Variants in KAZN observed in about 807,000 individuals in gnomAD.
KAZN encodes the protein kazrin.
Under a neutral mutation model 87.4 loss-of-function variants are expected in KAZN, and 40 were observed. The ratio of observed to expected loss-of-function variants is 0.46; its 90% CI spans 0.36 to 0.60. The LOEUF (loss-of-function observed/expected upper bound fraction) is 0.60. Among genes scored for constraint, KAZN ranks in the 20% least tolerant of loss-of-function variants. KAZN has a pLI of 0.00. For synonymous variants in KAZN, 466 were observed against 458.3 expected (o/e 1.02, Z -0.22); for missense variants, 898 against 1,073.9 (o/e 0.84, Z 2.29).
intron 1 of KAZN, among the ~76,000 whole-genome samples, chr1:14,946,846 C>T (rs921002270): frequency 3.9e-5 from 6 of 152,144 alleles, no homozygotes; most frequent in African/African-American, 1.4e-4. Flanking sequence ...AGTGGCCGCG[C>T]GGTTGAGGTT....
intron 2 of KAZN, among the ~76,000 whole-genome samples, chr1:14,192,081 G>A (rs1220155490): frequency 6.6e-6 from 1 of 152,130 alleles, no homozygotes; most frequent in African/African-American, 2.4e-5. Context: ...AGAGAGTGGT[G>A]GAATGTGTGT....
At chr1:14,542,278 A>G (rs1672856852) in intron 2 of KAZN, among the ~76,000 whole-genome samples, 1 of 122,882 alleles carries the variant, frequency 8.1e-6, no homozygotes, top group South Asian at 2.8e-4. Flanking sequence ...GGAACATCAC[A>G]CACCGGGGAC....
At position 14,412,116 on chromosome 1, in the gene KAZN, G is replaced by A. The variant is rs116520466; in HGVS notation, c.250-186867G>A. On this transcript the variant is annotated intron_variant, in intron 2 of 16. Coordinates refer to the KAZN transcript ENST00000636203. Reference sequence around the variant, plus strand: ...ATTCTCAGGGGGTCATAGGAAAGAGGAGGAAAGTGTACAAAGAAAAGACGT... The same window carrying A: ...ATTCTCAGGGGGTCATAGGAAAGAGAAGGAAAGTGTACAAAGAAAAGACGT... 5.1e-3 allele frequency among the ~76,000 whole-genome samples: 771 copies of A among 152,254 alleles called. 7 individuals are homozygous for A. The highest frequency in any genetic ancestry group is 0.018 in the African/African-American group (740 of 41,540).
chr1:14,403,661 A>G (rs74601513), intron 2 of KAZN, among the ~76,000 whole-genome samples: 2,170 of 152,284 alleles, frequency 0.014, 50 homozygotes, highest in African/African-American at 0.05. Flanking sequence ...TCTAGAACCC[A>G]TGGGAGGAGA....
chr1:14,373,433 G>C (rs933295860), intron 2 of KAZN, among the ~76,000 whole-genome samples: 6 of 152,180 alleles, frequency 3.9e-5, no homozygotes, highest in African/African-American at 1.2e-4. Flanking sequence ...GTCAGGCAGA[G>C]AGACAGAATT....
At chr1:14,625,374 T>C (rs1189976595) in intron 1 of KAZN, among the ~76,000 whole-genome samples, 1 of 152,014 alleles carries the variant, frequency 6.6e-6, no homozygotes. Flanking sequence ...CTCCCTACTA[T>C]CCGAGGATAA....
At chr1:14,322,908 C>T (rs954216267) in intron 2 of KAZN, among the ~76,000 whole-genome samples, 1 of 152,042 alleles carries the variant, frequency 6.6e-6, no homozygotes, top group African/African-American at 2.4e-5. Context: ...AATTGACTCA[C>T]AGTTCAGCAT....
At chr1:14,444,674 G>C (rs569475401) in intron 2 of KAZN, among the ~76,000 whole-genome samples, 4 of 151,968 alleles carry the variant, frequency 2.6e-5, no homozygotes, top group African/African-American at 9.7e-5. Context: ...GGGTAGAATC[G>C]GGGTTCTTCA....
chr1:14,132,648 T>C (rs1265308900), intron 1 of KAZN, among the ~76,000 whole-genome samples: 1 of 152,120 alleles, frequency 6.6e-6, no homozygotes, highest in Non-Finnish European at 1.5e-5. Flanking sequence ...GCATTCACTA[T>C]ACCACTGTTG....
chr1:14,368,852 A>C (rs1660225527), intron 2 of KAZN, among the ~76,000 whole-genome samples: 1 of 152,212 alleles, frequency 6.6e-6, no homozygotes, highest in Admixed American at 6.6e-5. Context: ...CCAGGTAGAG[A>C]GGTACTGGCT....
At chr1:14,129,483 C>T (rs979574) in intron 1 of KAZN, among the ~76,000 whole-genome samples, 87,219 of 152,102 alleles carry the variant, frequency 0.57, 26,306 homozygotes, top group East Asian at 0.76. Context: ...GCCTCCCACC[C>T]GATTCCTCCC....
intron 2 of KAZN, among the ~76,000 whole-genome samples, chr1:14,507,473 G>A (rs1392084697): frequency 6.6e-6 from 1 of 152,156 alleles, no homozygotes; most frequent in Non-Finnish European, 1.5e-5. Context: ...GCGATGGCTA[G>A]AAGACCTAAA....
intron 1 of KAZN, among the ~76,000 whole-genome samples, chr1:14,087,238 G>T (rs140972661): frequency 6.6e-6 from 1 of 152,126 alleles, no homozygotes; most frequent in African/African-American, 2.4e-5. Flanking sequence ...ATCATAAATG[G>T]CATTTTCATA....
chr1:14,554,440 A>G (rs531746134), intron 2 of KAZN, among the ~76,000 whole-genome samples: 5 of 152,294 alleles, frequency 3.3e-5, no homozygotes, highest in Non-Finnish European at 7.4e-5. Flanking sequence ...CGGACCCATC[A>G]TCTTCTAGGA....
At chr1:14,943,802 T>G (rs1572887781) in intron 1 of KAZN, among the ~76,000 whole-genome samples, 1 of 151,852 alleles carries the variant, frequency 6.6e-6, no homozygotes, top group Non-Finnish European at 1.5e-5. Flanking sequence ...CCGGGCACAG[T>G]GGCTCACGCC....
At chr1:15,036,046 G>A (rs926121494) in intron 3 of KAZN, among the ~76,000 whole-genome samples, 8 of 151,898 alleles carry the variant, frequency 5.3e-5, no homozygotes, top group Non-Finnish European at 5.9e-5. Flanking sequence ...GGTCTTCACC[G>A]CTGATTCCTC....
At chr1:14,189,177 G>C (rs1259428605) in intron 2 of KAZN, among the ~76,000 whole-genome samples, 1 of 152,138 alleles carries the variant, frequency 6.6e-6, no homozygotes, top group African/African-American at 2.4e-5. Flanking sequence ...TTAATAATGA[G>C]ATGGTGACCT....
chr1:14,748,691 CTAA>C (rs1403496137), intron 1 of KAZN, among the ~76,000 whole-genome samples: 1 of 152,136 alleles, frequency 6.6e-6, no homozygotes, highest in Admixed American at 6.5e-5. Flanking sequence ...AGAAATGGAG[CTAA>C]TAATAGTTGA....
At chr1:14,848,700 G>A (rs1050310300) in intron 1 of KAZN, among the ~76,000 whole-genome samples, 3 of 152,122 alleles carry the variant, frequency 2.0e-5, no homozygotes, top group African/African-American at 2.4e-5. Flanking sequence ...GCAGCTGCCC[G>A]CTCTCCCCGT....
Sources: allele counts gnomAD v4.1 joint callset (sites outside exome capture counted in the v4.1 genomes callset), GRCh38; gene constraint gnomAD v4.1.1; transcripts MANE v1.5; gene names NCBI Gene and HGNC (gene_info 2026-07-23, HGNC 2026-07-21).